The following PLEKHG5 variants were observed in gnomAD, a reference collection of about 807,000 sequenced individuals.
The protein encoded by PLEKHG5 is pleckstrin homology domain-containing family G member 5.
PLEKHG5 carries 52 observed loss-of-function variants against 103.8 expected under a neutral mutation model. The ratio of observed to expected loss-of-function variants is 0.50; its 90% CI spans 0.40 to 0.63. The LOEUF is 0.63. PLEKHG5 is among the 30% of genes least tolerant of loss of function. The probability of loss-of-function intolerance (pLI) is 0.00; values close to 1 mark genes in which losing one functional copy is unlikely to be tolerated. For synonymous variants in PLEKHG5, 592 were observed against 575.5 expected (o/e 1.03, Z -0.41); for missense variants, 1,205 against 1,347.6 (o/e 0.89, Z 1.66).
intron 1 of PLEKHG5, among the ~76,000 whole-genome samples, chr1:6,503,084 G>C (rs1645314132): frequency 6.6e-6 from 1 of 152,218 alleles, no homozygotes; most frequent in African/African-American, 2.4e-5. Flanking sequence ...CCTTGACTCA[G>C]AGAGTGGGCA....
At chr1:6,504,464 C>T (rs1638246045) in intron 1 of PLEKHG5, among the ~76,000 whole-genome samples, 1 of 152,210 alleles carries the variant, frequency 6.6e-6, no homozygotes, top group South Asian at 2.1e-4. Flanking sequence ...CCACATTCCC[C>T]CTCCTCCACA....
chr1:6,473,494 A>G (rs879311576), intron 7 of PLEKHG5, 40 bp from the exon 8 acceptor site: 58 of 1,460,032 alleles, frequency 4.0e-5, no homozygotes, highest in Non-Finnish European at 5.3e-5. Flanking sequence ...ACCCCCTGCC[A>G]GCCCCCATGG....
chr1:6,485,538 C>G lies in PLEKHG5; in HGVS notation c.-88+6099G>C, dbSNP rs1333399217. 3 of 1,182,586 alleles carry G rather than the reference C, an allele frequency of 2.5e-6. No individual in the cohort carries two copies. The African/African-American group carries it at 4.8e-5, about 19-fold the overall frequency. The allele number at this position is 1,182,586 out of a possible 1,614,324, so 73.3% of individuals were successfully genotyped here. On this transcript the variant is annotated intron_variant, in intron 1 of 20. Transcript: ENST00000377728. ...TGCGGCCGCGCCCGCCCCCGCCGAG[C>G]GCGGGGACCCCGGGGAGGGCCGGGC...
intron 16 of PLEKHG5, 44 bp from the exon 17 acceptor site, chr1:6,469,720 C>A: frequency 1.2e-6 from 2 of 1,600,248 alleles, no homozygotes; most frequent in South Asian, 2.2e-5. Context: ...CCAGCAGGGT[C>A]AGGGCCAGGG....
At chr1:6,499,753 G>T (rs1645275384), upstream of PLEKHG5, among the ~76,000 whole-genome samples, 1 of 152,092 alleles carries the variant, frequency 6.6e-6, no homozygotes, top group Non-Finnish European at 1.5e-5. Flanking sequence ...ACTGTATCAG[G>T]TGATAGCGTA....
At chr1:6,488,925 C>A (rs1645092122) in intron 1 of PLEKHG5, among the ~76,000 whole-genome samples, 1 of 152,120 alleles carries the variant, frequency 6.6e-6, no homozygotes, top group Non-Finnish European at 1.5e-5. Context: ...CTCAGTATCA[C>A]CTCCCCCAGC....
intron 1 of PLEKHG5, among the ~76,000 whole-genome samples, chr1:6,510,616 C>T (rs980637457): frequency 2.6e-5 from 4 of 152,144 alleles, no homozygotes; most frequent in African/African-American, 9.7e-5. Context: ...CTGCCTCTGC[C>T]CTCTGGAGGC....
intron 11 of PLEKHG5, 39 bp from the exon 12 acceptor site, chr1:6,471,676 G>A (rs762026157): frequency 4.4e-5 from 69 of 1,568,178 alleles, no homozygotes; most frequent in Non-Finnish European, 5.6e-5. Context: ...ACGCCCCTCC[G>A]CCAGGTTAGC....
At position 6,487,550 on chromosome 1, in the gene PLEKHG5, C is replaced by T. The variant is rs1363482255; in HGVS notation, c.-88+4087G>A. 1.3e-5 allele frequency among the ~76,000 whole-genome samples: 2 copies of T among 152,312 alleles called. No individual in the cohort carries two copies. Among genetic ancestry groups the T allele is most frequent in the East Asian group, 1.9e-4 (1 of 5,190 alleles). On this transcript the variant is annotated intron_variant, in intron 1 of 20. Coordinates refer to ENST00000377728, the MANE Select transcript of PLEKHG5 (RefSeq NM_020631.6). This position sits in a 1 kb window ranked among gnomAD's most constrained non-coding sequence, Gnocchi z 4.1. ...CGGTCTTCCTTCTCTCCCTACAGCT[C>T]GCCAAGCTCAGGGCCTTCTCCTCTG...
intron 1 of PLEKHG5, among the ~76,000 whole-genome samples, chr1:6,511,052 A>G (rs4078185): frequency 0.53 from 79,799 of 151,614 alleles, 22,056 homozygotes; most frequent in Admixed American, 0.66. Context: ...TCGCGCCACT[A>G]CACTCCAGCC....
At chr1:6,492,469 A>G (rs75725904), upstream of PLEKHG5, among the ~76,000 whole-genome samples, 9,509 of 152,068 alleles carry the variant, frequency 0.063, 297 homozygotes, top group Middle Eastern at 0.071. Flanking sequence ...GCCTTTCTCC[A>G]TCTCCCCAAA....
intron 1 of PLEKHG5, among the ~76,000 whole-genome samples, chr1:6,516,856 G>GTA (rs1638634065): frequency 1.0e-4 from 4 of 39,972 alleles, no homozygotes; most frequent in Admixed American, 5.0e-4. Flanking sequence ...ATATGTGTGT[G>GTA]TATATATGTG....
intron 1 of PLEKHG5, among the ~76,000 whole-genome samples, chr1:6,478,497 C>T (rs758112201): frequency 6.6e-6 from 1 of 152,152 alleles, no homozygotes; most frequent in Admixed American, 6.5e-5. Flanking sequence ...GAGGCCTCAC[C>T]TCACCCTCCA....
At chr1:6,513,629 G>A (rs928244005) in intron 1 of PLEKHG5, among the ~76,000 whole-genome samples, 2 of 152,176 alleles carry the variant, frequency 1.3e-5, no homozygotes, top group African/African-American at 2.4e-5. Flanking sequence ...GGGCCCTCTC[G>A]AGGGCCAAGT....
chr1:6,474,193 A>G (rs1255460696), intron 6 of PLEKHG5, 29 bp from the exon 7 acceptor site: 80 of 1,612,280 alleles, frequency 5.0e-5, no homozygotes, highest in Non-Finnish European at 6.7e-5. Flanking sequence ...AGAGATCCTC[A>G]GTACCCTGGT....
intron 2 of PLEKHG5, 96 bp downstream of exon 2, chr1:6,477,433 A>G (rs1644789874): frequency 7.9e-7 from 1 of 1,268,866 alleles, no homozygotes; most frequent in African/African-American, 1.5e-5. Flanking sequence ...TTTACAGTCG[A>G]CTTGTCCTTA....
intron 1 of PLEKHG5, among the ~76,000 whole-genome samples, chr1:6,517,858 G>A (rs1485285217): frequency 6.6e-6 from 1 of 152,220 alleles, no homozygotes; most frequent in South Asian, 2.1e-4. Flanking sequence ...TCCAACTCGG[G>A]TAGGAGAATG....
upstream of PLEKHG5, among the ~76,000 whole-genome samples, chr1:6,493,450 C>T (rs191908591): frequency 1.3e-5 from 2 of 152,194 alleles, no homozygotes; most frequent in Non-Finnish European, 2.9e-5. Flanking sequence ...ACAAGCCTCA[C>T]GCAGGCCAGG....
At chr1:6,471,908 G>C (rs897238681) in intron 10 of PLEKHG5, 100 bp from the exon 11 acceptor site, 12 of 1,206,488 alleles carry the variant, frequency 9.9e-6, no homozygotes, top group Non-Finnish European at 1.4e-5. Flanking sequence ...CCCCTTCCCC[G>C]TTCCAGGAGG....
Sources: gnomAD v4.1 joint callset for allele counts (sites outside exome capture counted in the v4.1 genomes callset) on GRCh38, gnomAD v4.1.1 for gene constraint, Gnocchi (gnomAD v3.1) non-coding constraint, MANE v1.5 for transcripts, NCBI Gene and HGNC (gene_info 2026-07-23, HGNC 2026-07-21) for gene names.